The following YPEL2 variants were observed in gnomAD, a reference collection of about 807,000 sequenced individuals.
The protein encoded by YPEL2 is yippee like 2.
Under a neutral mutation model 19.1 loss-of-function variants are expected in YPEL2, and 2 were observed. The ratio of observed to expected loss-of-function variants is 0.10; its 90% CI spans 0.04 to 0.33. The LOEUF (loss-of-function observed/expected upper bound fraction) is 0.33, where lower values mean the gene tolerates loss of function less well. YPEL2 is among the 10% of genes least tolerant of loss of function. The pLI is 1.00. For missense variants in YPEL2, 66 were observed against 140.7 expected (o/e 0.47, Z 2.68); for synonymous variants, 52 against 50.0 (o/e 1.04, Z -0.17).
chr17:59,338,139 G>A (rs2047708931), intron 1 of YPEL2, among the ~76,000 whole-genome samples: 1 of 152,206 alleles, frequency 6.6e-6, no homozygotes, highest in Admixed American at 6.5e-5. Context: ...TAAAAGCAGT[G>A]TGTCTAGACT....
Position 59,353,532 on chromosome 17 carries a change from C to T in YPEL2, c.117+6C>T, listed in dbSNP as rs1426824929. 1.9e-6 allele frequency: 3 copies of T among 1,610,608 alleles called. No homozygotes were observed. Among genetic ancestry groups the T allele is most frequent in the Non-Finnish European group, 1.7e-6 (2 of 1,176,770 alleles). The stretch of plus-strand genomic sequence containing the variant: ...ATGATGAACTAATTTCCAAGGTACA[C>T]ATTTCCAGCAGGCCTTCCTTGCCTA... On this transcript the variant is annotated splice_donor_region_variant and intron_variant, in intron 2 of 4. Transcript: ENST00000312655. The surrounding 1 kb of genome is among the most constrained non-coding windows in gnomAD (Gnocchi z 4.8).
At chr17:59,332,658 T>C (rs1271580505) in intron 1 of YPEL2, among the ~76,000 whole-genome samples, 1 of 152,162 alleles carries the variant, frequency 6.6e-6, no homozygotes, top group East Asian at 1.9e-4. Flanking sequence ...CTGGACTTCT[T>C]GTCCGGAAGA....
intron 2 of YPEL2, among the ~76,000 whole-genome samples, chr17:59,372,527 C>T (rs573857344): frequency 3.3e-5 from 5 of 152,186 alleles, no homozygotes; most frequent in Admixed American, 6.5e-5. Context: ...GTGGTCTAAC[C>T]GGCTGGTCCT....
At chr17:59,379,007 C>T (rs997366588) in intron 2 of YPEL2, among the ~76,000 whole-genome samples, 1 of 152,128 alleles carries the variant, frequency 6.6e-6, no homozygotes, top group African/African-American at 2.4e-5. Flanking sequence ...GACCTATGTC[C>T]CCATGTGGAA....
At chr17:59,396,842 C>T (rs2048041822) in intron 4 of YPEL2, among the ~76,000 whole-genome samples, 1 of 152,100 alleles carries the variant, frequency 6.6e-6, no homozygotes, top group Admixed American at 6.5e-5. Context: ...ACCAGCCTGT[C>T]CAACATGGTG....
chr17:59,344,463 T>C (rs1410341750), intron 1 of YPEL2, among the ~76,000 whole-genome samples: 2 of 152,116 alleles, frequency 1.3e-5, no homozygotes, highest in Non-Finnish European at 2.9e-5. Flanking sequence ...CAAATAGTGT[T>C]AGCATTCAAA....
chr17:59,383,321 G>A (rs1034900391), intron 2 of YPEL2, among the ~76,000 whole-genome samples: 10 of 151,652 alleles, frequency 6.6e-5, no homozygotes, highest in African/African-American at 1.2e-4. Flanking sequence ...AGTCTAGGCC[G>A]GGCGTGGTGG....
intron 2 of YPEL2, among the ~76,000 whole-genome samples, chr17:59,383,782 C>A (rs9890682): frequency 0.21 from 32,242 of 150,156 alleles, 4,192 homozygotes; most frequent in East Asian, 0.43. Context: ...TTACCCATAA[C>A]CTCTAGCAGC....
At chr17:59,339,908 A>G (rs1567729381) in intron 1 of YPEL2, among the ~76,000 whole-genome samples, 1 of 152,094 alleles carries the variant, frequency 6.6e-6, no homozygotes, top group Non-Finnish European at 1.5e-5. Flanking sequence ...CAGTTGTTCC[A>G]GGGTCTCTCT....
intron 1 of YPEL2, among the ~76,000 whole-genome samples, chr17:59,350,223 A>G (rs1425436068): frequency 6.6e-6 from 1 of 152,026 alleles, no homozygotes; most frequent in African/African-American, 2.4e-5. Flanking sequence ...GGCGCGTGCC[A>G]CCATGCCTGG....
chr17:59,373,419 C>T (rs1034644984), intron 2 of YPEL2, among the ~76,000 whole-genome samples: 1 of 152,172 alleles, frequency 6.6e-6, no homozygotes, highest in South Asian at 2.1e-4. Context: ...CTGTGATCAG[C>T]CCTCCTACAG....
intron 4 of YPEL2, 145 bp downstream of exon 4, chr17:59,389,613 TTC>T: frequency 3.1e-6 from 2 of 647,824 alleles, no homozygotes; most frequent in South Asian, 3.7e-5. Context: ...CACTCATTCT[TTC>T]CTTTCTGCTG....
chr17:59,388,526 T>G (rs545153514), intron 3 of YPEL2, among the ~76,000 whole-genome samples, 156 bp downstream of exon 3: 45 of 152,274 alleles, frequency 3.0e-4, no homozygotes, highest in African/African-American at 1.0e-3. Context: ...CAGTTACCTT[T>G]GGGGAACATT....
intron 2 of YPEL2, among the ~76,000 whole-genome samples, chr17:59,379,907 CT>C (rs2047940219): frequency 1.0e-5 from 1 of 96,462 alleles, no homozygotes; most frequent in Non-Finnish European, 2.0e-5. Flanking sequence ...GTCACCCAAT[CT>C]AGAGTGCAGT....
At chr17:59,383,612 ATATAT>A (rs1361080929) in intron 2 of YPEL2, among the ~76,000 whole-genome samples, 42 of 19,316 alleles carry the variant, frequency 2.2e-3, no homozygotes, top group Non-Finnish European at 3.1e-3. Context: ...AAAAAAAAAT[ATATAT>A]ATATATATAT....
chr17:59,371,318 G>T (rs2047896114), intron 2 of YPEL2, among the ~76,000 whole-genome samples: 2 of 152,198 alleles, frequency 1.3e-5, no homozygotes, highest in African/African-American at 4.8e-5. Flanking sequence ...GGGCTCTGCA[G>T]CTCCCCAGTA....
intron 1 of YPEL2, among the ~76,000 whole-genome samples, chr17:59,340,109 CTT>C (rs746748126): frequency 4.2e-5 from 6 of 141,330 alleles, no homozygotes; most frequent in Admixed American, 2.1e-4. Flanking sequence ...TTTTGTGGAA[CTT>C]TTTTTTTTTT....
At chr17:59,362,336 A>G (rs992805984) in intron 2 of YPEL2, among the ~76,000 whole-genome samples, 1 of 151,600 alleles carries the variant, frequency 6.6e-6, no homozygotes, top group Non-Finnish European at 1.5e-5. Flanking sequence ...AGGAAGTCAC[A>G]TGCTTTAAAT....
chr17:59,382,923 A>AT (rs1330072878), intron 2 of YPEL2, among the ~76,000 whole-genome samples: 1 of 152,216 alleles, frequency 6.6e-6, no homozygotes, highest in Non-Finnish European at 1.5e-5. Flanking sequence ...GATTATAGGC[A>AT]TGAGCCATCA....
Sources: allele counts gnomAD v4.1 joint callset (sites outside exome capture counted in the v4.1 genomes callset), GRCh38; gene constraint gnomAD v4.1.1; non-coding constraint Gnocchi (gnomAD v3.1); transcripts MANE v1.5; gene names NCBI Gene and HGNC (gene_info 2026-07-23, HGNC 2026-07-21).